Variants in TAFA5 observed in about 807,000 individuals in gnomAD.
TAFA5 encodes TAFA chemokine like family member 5.
Under a neutral mutation model 15.3 loss-of-function variants are expected in TAFA5, and 6 were observed. The observed-to-expected ratio is 0.39, with a 90% CI of 0.21 to 0.77. The LOEUF is 0.77. TAFA5 is among the 30% of genes least tolerant of loss of function. The pLI, the probability that TAFA5 is intolerant of heterozygous loss-of-function variation, is 0.41. For synonymous variants in TAFA5, 103 were observed against 80.7 expected (o/e 1.28, Z -1.48); for missense variants, 161 against 193.1 (o/e 0.83, Z 0.98).
Position 48,742,522 on chromosome 22 carries a change from C to T in TAFA5, c.391-7317C>T, listed in dbSNP as rs1930209034. 6.6e-6 allele frequency among the ~76,000 whole-genome samples: 1 copy of T among 151,736 alleles called. No individual in the cohort carries two copies. Among genetic ancestry groups the T allele is most frequent in the Non-Finnish European group, 1.5e-5 (1 of 67,910 alleles). On this transcript the variant is annotated intron_variant, in intron 3 of 3. Coordinates refer to ENST00000402357, the MANE Select transcript of TAFA5 (RefSeq NM_001082967.3). This position sits in a 1 kb window ranked among gnomAD's most constrained non-coding sequence, Gnocchi z 6.2. ...TGGTGGACCCGGTGGCGTGGCAGAC[C>T]AGGCGACGTGGTGGACCCGGCCGCA...
chr22:48,561,314 C>T (rs1016192186), intron 1 of TAFA5, among the ~76,000 whole-genome samples: 4 of 152,140 alleles, frequency 2.6e-5, no homozygotes, highest in African/African-American at 4.8e-5. Flanking sequence ...AGCCGAGTCC[C>T]CTGGCTGCAA....
chr22:48,521,715 C>T (rs768250461), intron 1 of TAFA5, among the ~76,000 whole-genome samples: 5 of 152,126 alleles, frequency 3.3e-5, no homozygotes, highest in Non-Finnish European at 5.9e-5. Context: ...AAGGTAAATA[C>T]GGCGAGAAGT....
In TAFA5 at chr22:48,550,466, G is replaced by A. The variant is rs1922817696; in HGVS notation, c.112+60762G>A. ...TAAGCTAAGAGGTCACATCTGGATG[G>A]AACCAGATGTGAGGGCTTTGACCCC... On this transcript the variant is annotated intron_variant, in intron 1 of 3. Transcript: ENST00000402357. The surrounding 1 kb of genome is among the most constrained non-coding windows in gnomAD (Gnocchi z 4.1). Among the ~76,000 whole-genome samples the A allele has an allele frequency of 6.6e-6, 1 of 152,204 alleles. No homozygotes were observed. The highest frequency in any genetic ancestry group is 1.5e-5 in the Non-Finnish European group (1 of 68,032).
intron 2 of TAFA5, among the ~76,000 whole-genome samples, chr22:48,677,960 C>G (rs569383676): frequency 5.8e-4 from 88 of 152,072 alleles, no homozygotes; most frequent in Non-Finnish European, 1.0e-3. Context: ...CCCCAGGCCT[C>G]CCTAGACCCC....
At chr22:48,557,005 G>A (rs1923063158) in intron 1 of TAFA5, among the ~76,000 whole-genome samples, 1 of 152,214 alleles carries the variant, frequency 6.6e-6, no homozygotes, top group Non-Finnish European at 1.5e-5. Context: ...GAAGAGGGCT[G>A]CAGCCGGGCC....
intron 3 of TAFA5, among the ~76,000 whole-genome samples, chr22:48,710,852 G>A (rs1929229716): frequency 6.6e-6 from 1 of 152,184 alleles, no homozygotes; most frequent in Admixed American, 6.5e-5. Context: ...GGGCTTGGGA[G>A]CTCAGTTTCA....
chr22:48,613,789 G>A (rs923284462), intron 1 of TAFA5, among the ~76,000 whole-genome samples: 21 of 152,162 alleles, frequency 1.4e-4, no homozygotes, highest in African/African-American at 4.1e-4. Context: ...CCGGCCCTTC[G>A]TGACTCTGTC....
intron 2 of TAFA5, among the ~76,000 whole-genome samples, chr22:48,677,022 C>T (rs563984951): frequency 7.9e-5 from 12 of 152,332 alleles, no homozygotes; most frequent in Admixed American, 2.0e-4. Flanking sequence ...TCGTGGAGGA[C>T]GCCCCTGCCT....
At chr22:48,524,817 C>T (rs1251514635) in intron 1 of TAFA5, among the ~76,000 whole-genome samples, 1 of 152,110 alleles carries the variant, frequency 6.6e-6, no homozygotes. Flanking sequence ...CCTGTCCCTG[C>T]TGGGAAACGT....
intron 1 of TAFA5, among the ~76,000 whole-genome samples, chr22:48,645,434 C>G (rs755877330): frequency 6.6e-6 from 1 of 152,086 alleles, no homozygotes; most frequent in Non-Finnish European, 1.5e-5. Flanking sequence ...CCTGGGCTGT[C>G]GGGCCCTTGC....
intron 3 of TAFA5, among the ~76,000 whole-genome samples, chr22:48,718,230 A>T (rs1929461897): frequency 6.6e-6 from 1 of 152,154 alleles, no homozygotes. Context: ...GCCCATGGCC[A>T]CTTCCTGGCC....
intron 2 of TAFA5, among the ~76,000 whole-genome samples, chr22:48,692,752 C>T (rs749808193): frequency 2.0e-5 from 3 of 152,234 alleles, no homozygotes; most frequent in Admixed American, 6.5e-5. Flanking sequence ...TAGACAGCCT[C>T]GTGACGGTGT....
chr22:48,712,516 C>T (rs1929282772), intron 3 of TAFA5, among the ~76,000 whole-genome samples: 1 of 152,244 alleles, frequency 6.6e-6, no homozygotes, highest in Non-Finnish European at 1.5e-5. Context: ...AAAGCACGCG[C>T]CTGGGCACAC....
At chr22:48,615,468 G>C (rs1293292798) in intron 1 of TAFA5, among the ~76,000 whole-genome samples, 1 of 152,220 alleles carries the variant, frequency 6.6e-6, no homozygotes, top group African/African-American at 2.4e-5. Context: ...GCTTCGCCTA[G>C]CTGTGGGGGC....
At chr22:48,594,232 G>A (rs1281520909) in intron 1 of TAFA5, among the ~76,000 whole-genome samples, 1 of 152,204 alleles carries the variant, frequency 6.6e-6, no homozygotes, top group African/African-American at 2.4e-5. Context: ...GAGACCCAGC[G>A]AGGCTCGAGG....
intron 2 of TAFA5, among the ~76,000 whole-genome samples, chr22:48,662,472 G>A (rs927510138): frequency 6.9e-6 from 1 of 145,696 alleles, no homozygotes; most frequent in Middle Eastern, 3.4e-3. Context: ...GTCGCGTGGG[G>A]AAGTGTGTGA....
intron 2 of TAFA5, among the ~76,000 whole-genome samples, chr22:48,649,183 C>T (rs1403048866): frequency 1.3e-5 from 2 of 152,226 alleles, no homozygotes; most frequent in East Asian, 1.9e-4. Context: ...CTCTCCTGGT[C>T]ACAGATGCCC....
intron 2 of TAFA5, among the ~76,000 whole-genome samples, chr22:48,691,562 C>T (rs978536566): frequency 2.0e-5 from 3 of 152,192 alleles, no homozygotes; most frequent in Non-Finnish European, 2.9e-5. Flanking sequence ...TGGAGAGGCT[C>T]ACAGTCGCAG....
At position 48,658,266 on chromosome 22, in the gene TAFA5, C is replaced by A. The variant is rs972727040; in HGVS notation, c.262+11520C>A. On this transcript the variant is annotated intron_variant, in intron 2 of 3. Transcript: ENST00000402357. ...TGGGTGGGGGAGCAGCGAGGTCTTA[C>A]GACTGCTGCGTTCCTATTATGGCCC... is the stretch of plus-strand genomic sequence containing the variant. Among the ~76,000 whole-genome samples the A allele has an allele frequency of 4.6e-5, 7 of 152,294 alleles. No individual in the cohort carries two copies. In the South Asian group the frequency reaches 8.3e-4, roughly 18 times the overall value.
Sources: allele counts gnomAD v4.1 joint callset (sites outside exome capture counted in the v4.1 genomes callset), GRCh38; gene constraint gnomAD v4.1.1; non-coding constraint Gnocchi (gnomAD v3.1); transcripts MANE v1.5; gene names NCBI Gene and HGNC (gene_info 2026-07-23, HGNC 2026-07-21).